ANKRD16: variants seen among roughly 807,000 people sequenced by gnomAD.
ANKRD16 encodes the protein ankyrin repeat domain-containing protein 16.
Under a neutral mutation model 37.9 loss-of-function variants are expected in ANKRD16, and 35 were observed. That is an observed-to-expected ratio of 0.92 (90% CI 0.71 to 1.23). ANKRD16 has a LOEUF of 1.23. Ranked by LOEUF, ANKRD16 falls within the 50% of genes most tolerant of loss-of-function variation. ANKRD16 has a pLI of 0.00. For synonymous variants in ANKRD16, 206 were observed against 197.2 expected, an observed-to-expected ratio of 1.04 and a Z score of -0.37; for missense variants, 480 against 469.9, an observed-to-expected ratio of 1.02 and a Z score of -0.20.
intron 5 of ANKRD16, among the ~76,000 whole-genome samples, chr10:5,880,612 C>A (rs936835478): frequency 6.6e-6 from 1 of 151,054 alleles, no homozygotes; most frequent in East Asian, 1.9e-4. Context: ...ATTACTGAAT[C>A]CACATTGCAG....
Position 5,864,325 on chromosome 10 carries a change from G to A in ANKRD16, c.*34-1634C>T, listed in dbSNP as rs1841984991. On this transcript the variant is annotated intron_variant, in intron 7 of 7. Coordinates refer to ENST00000380094, the MANE Select transcript of ANKRD16 (RefSeq NM_019046.3). The surrounding 1 kb of genome is among the most constrained non-coding windows in gnomAD (Gnocchi z 4.4). Reference sequence around the variant, plus strand: ...AGGAAACAAGCAAAGAAATCTCCAAGGGACCACAACCTCCCCCCCACCCCT... The same window carrying A: ...AGGAAACAAGCAAAGAAATCTCCAAAGGACCACAACCTCCCCCCCACCCCT... Among the ~76,000 whole-genome samples the A allele has an allele frequency of 6.6e-6, 1 of 151,930 alleles. No homozygotes were observed. Among genetic ancestry groups the A allele is most frequent in the East Asian group, 1.9e-4 (1 of 5,186 alleles).
rs897699851 is a variant in ANKRD16, at chr10:5,863,853, C to T, written c.*34-1162G>A. Among the ~76,000 whole-genome samples the T allele has an allele frequency of 3.3e-5, 5 of 152,104 alleles. No individual in the cohort carries two copies. The highest frequency in any genetic ancestry group is 5.9e-5 in the Non-Finnish European group (4 of 68,024). The stretch of plus-strand genomic sequence containing the variant: ...AGGTCCACGGCTTCATTGTTGAAGT[C>T]AGTGAGACCAAGAACGCACCAGAAG... On this transcript the variant is annotated intron_variant, in intron 7 of 7. Coordinates refer to ENST00000380094, the MANE Select transcript of ANKRD16 (RefSeq NM_019046.3). The surrounding 1 kb of genome is among the most constrained non-coding windows in gnomAD (Gnocchi z 4.7).
At position 5,889,858 on chromosome 10, in the gene ANKRD16, C is replaced by A. The variant is rs904727015; in HGVS notation, c.-504G>T. Reference sequence around the variant, plus strand: ...GGCTCCTGAGGCAGCCAGGCCCAAGCGTGACCTGCCCCGCACGCGTCCTCA... The same window carrying A: ...GGCTCCTGAGGCAGCCAGGCCCAAGAGTGACCTGCCCCGCACGCGTCCTCA... On this transcript the variant is annotated 5_prime_UTR_variant, in exon 1 of 8. Transcript: ENST00000380094. The A allele has an allele frequency of 1.4e-4, 23 of 158,784 alleles. No individual in the cohort carries two copies. The highest frequency in any genetic ancestry group is 2.6e-4 in the Non-Finnish European group (19 of 72,518). The allele number at this position is 158,784 out of a possible 1,614,324, so 9.8% of individuals were successfully genotyped here.
intron 1 of ANKRD16, 76 bp from the exon 2 acceptor site, chr10:5,888,143 C>A: frequency 7.4e-7 from 1 of 1,342,466 alleles, no homozygotes; most frequent in Non-Finnish European, 1.1e-6. Context: ...CTTCAAAACA[C>A]ACACATCCTT....
intron 7 of ANKRD16, among the ~76,000 whole-genome samples, chr10:5,873,769 A>G (rs1842141019): frequency 6.6e-6 from 1 of 151,542 alleles, no homozygotes; most frequent in African/African-American, 2.4e-5. Context: ...TCTCGTTTCC[A>G]TTTTGTGATC....
rs906928815 is a variant in ANKRD16, at chr10:5,868,319, C to G, written c.*34-5628G>C. 2.0e-5 allele frequency among the ~76,000 whole-genome samples: 3 copies of G among 152,178 alleles called. No homozygotes were observed. The highest frequency in any genetic ancestry group is 7.2e-5 in the African/African-American group (3 of 41,436). The stretch of plus-strand genomic sequence containing the variant: ...AGAGGACACTACAACTGCAGGGACC[C>G]TTCTTTGCCCCTATCCAGCAGGAAG... On this transcript the variant is annotated intron_variant, in intron 7 of 7. Transcript: ENST00000380094. The surrounding 1 kb of genome is among the most constrained non-coding windows in gnomAD (Gnocchi z 4.9).
At chr10:5,886,271 C>A (rs1842421612) in intron 2 of ANKRD16, among the ~76,000 whole-genome samples, 1 of 151,266 alleles carries the variant, frequency 6.6e-6, no homozygotes, top group South Asian at 2.1e-4. Context: ...AAGTTTTCTA[C>A]TTACTTAAGA....
Position 5,889,329 on chromosome 10 carries a change from C to T in ANKRD16, c.26G>A (p.Arg9His). Reference protein sequence around the residue: MAQPGDPRRLCRLVQEGRL... With the variant: MAQPGDPRHLCRLVQEGRL... ...GCCCTCCTGCACCAGCCTGCAGAGGCGCCGCGGGTCCCCGGGCTGGGCCAT... is the reference window on the plus strand; with the variant it reads ...GCCCTCCTGCACCAGCCTGCAGAGGTGCCGCGGGTCCCCGGGCTGGGCCAT... Residue 9 changes from arginine (R) to histidine (H), a missense_variant, in exon 1 of 8, where the codon CGC (arginine) becomes CAC (histidine). Physicochemically the swap from Arg to His is conservative, Grantham distance 29. Coordinates refer to ENST00000380094, the MANE Select transcript of ANKRD16 (RefSeq NM_019046.3). 7.9e-7 allele frequency: 1 copy of T among 1,260,144 alleles called. No individual in the cohort carries two copies. Among genetic ancestry groups the T allele is most frequent in the South Asian group, 3.1e-5 (1 of 32,444 alleles). 78.1% of individuals were successfully genotyped at this position (1,260,144 alleles called of 1,614,324 possible).
Position 5,865,396 on chromosome 10 carries a change from A to C in ANKRD16, c.*34-2705T>G, listed in dbSNP as rs1047958178. 2.0e-5 allele frequency among the ~76,000 whole-genome samples: 3 copies of C among 152,224 alleles called. No homozygotes were observed. The highest frequency in any genetic ancestry group is 4.8e-5 in the African/African-American group (2 of 41,460). ...GGGTGCCCAGGGCAAGCGCCAGCTC[A>C]TGTCATCACCCTCACTGAGCCCCAG... On this transcript the variant is annotated intron_variant, in intron 7 of 7. Coordinates refer to ENST00000380094, the MANE Select transcript of ANKRD16 (RefSeq NM_019046.3). This position sits in a 1 kb window ranked among gnomAD's most constrained non-coding sequence, Gnocchi z 4.7.
At position 5,884,036 on chromosome 10, in the gene ANKRD16, G is replaced by A. The variant is rs774803726; in HGVS notation, c.620C>T (p.Thr207Ile). The change falls in exon 4 of 8, where the codon ACC (threonine) becomes ATC (isoleucine). Residue 207 changes from threonine to isoleucine, a missense_variant. Physicochemically the swap from Thr to Ile is moderately conservative, Grantham distance 89 (BLOSUM62 -1). Transcript: ENST00000380094. The part of the protein sequence containing the change: ...EPDYRDNCGV[T>I]ALMDAIQCGH... ...ACACTGGATTGCGTCCATCAAGGCG[G>A]TGACGCCACAGTTGTCTCTGTAGTC... The A allele has an allele frequency of 6.2e-7, 1 of 1,614,192 alleles. No individual in the cohort carries two copies. The highest frequency in any genetic ancestry group is 8.5e-7 in the Non-Finnish European group (1 of 1,180,026).
intron 7 of ANKRD16, among the ~76,000 whole-genome samples, chr10:5,873,548 T>C (rs902520760): frequency 5.3e-5 from 8 of 152,172 alleles, no homozygotes; most frequent in Non-Finnish European, 1.0e-4. Flanking sequence ...ATTATTTTTG[T>C]TTTCTCCTTT....
intron 5 of ANKRD16, among the ~76,000 whole-genome samples, chr10:5,881,441 T>TAAA (rs1459236408): frequency 7.8e-3 from 165 of 21,280 alleles, no homozygotes; most frequent in Middle Eastern, 0.029. Context: ...ATATTATTTA[T>TAAA]ATATATATAT....
At chr10:5,887,574 G>C (rs1246777736) in intron 2 of ANKRD16, among the ~76,000 whole-genome samples, 1 of 152,142 alleles carries the variant, frequency 6.6e-6, no homozygotes, top group African/African-American at 2.4e-5. Context: ...AGTAGAGACG[G>C]CGTTTCACCA....
At chr10:5,888,997 T>C (rs143629640) in intron 1 of ANKRD16, 44 bp downstream of exon 1, 32,183 of 1,475,130 alleles carry the variant, frequency 0.022, 473 homozygotes, top group South Asian at 0.053. Flanking sequence ...GCTACGACTC[T>C]GCGAGTAGAG....
chr10:5,888,906 G>T, intron 1 of ANKRD16, 135 bp downstream of exon 1: 3 of 971,292 alleles, frequency 3.1e-6, no homozygotes, highest in Non-Finnish European at 4.2e-6. Flanking sequence ...GGAGGTCCCT[G>T]CCGCTGAGCA....
chr10:5,869,913 T>C lies in ANKRD16; in HGVS notation c.*34-7222A>G, dbSNP rs75425393. Among the ~76,000 whole-genome samples the C allele has an allele frequency of 0.026, 3,984 of 152,212 alleles. 164 individuals carry two copies. Among genetic ancestry groups the C allele is most frequent in the African/African-American group, 0.09 (3,739 of 41,522 alleles). On this transcript the variant is annotated intron_variant, in intron 7 of 7. Coordinates refer to ENST00000380094, the MANE Select transcript of ANKRD16 (RefSeq NM_019046.3). This position sits in a 1 kb window ranked among gnomAD's most constrained non-coding sequence, Gnocchi z 4.0. ...GGTCTGCAGTAAGGATCGCATCACT[T>C]AGCATGGTATCCAGTAGGTAGTTTT...
chr10:5,881,438 T>TTTTATATATATATATATA (rs1554796692), intron 5 of ANKRD16, among the ~76,000 whole-genome samples: 1 of 51,020 alleles, frequency 2.0e-5, no homozygotes, highest in Non-Finnish European at 3.8e-5. Context: ...AAAATATTAT[T>TTTTATATATATATATATA]TATATATATA....
chr10:5,880,511 G>T, intron 5 of ANKRD16, 135 bp from the exon 6 acceptor site: 1 of 431,504 alleles, frequency 2.3e-6, no homozygotes, highest in Non-Finnish European at 4.1e-6. Context: ...CTGAGAGACA[G>T]GTCTGTGTCT....
intron 2 of ANKRD16, among the ~76,000 whole-genome samples, chr10:5,886,813 T>C (rs562144150): frequency 2.0e-5 from 3 of 152,340 alleles, no homozygotes; most frequent in African/African-American, 7.2e-5. Flanking sequence ...TTCAAACAAA[T>C]GAGCAAATTG....
Sources: gnomAD v4.1 joint callset for allele counts (sites outside exome capture counted in the v4.1 genomes callset) on GRCh38, gnomAD v4.1.1 for gene constraint, Gnocchi (gnomAD v3.1) non-coding constraint, MANE v1.5 for transcripts, NCBI Gene and HGNC (gene_info 2026-07-23, HGNC 2026-07-21) for gene names.